Variants in SLIT1 observed in about 807,000 individuals in gnomAD.
SLIT1 encodes slit homolog 1 protein.
In SLIT1, 66 loss-of-function variants were observed where a neutral mutation model predicts 186.1. That is an observed-to-expected ratio of 0.35 (90% CI 0.29 to 0.44). The LOEUF is 0.44. Ranked by LOEUF, SLIT1 falls within the 20% of genes least tolerant of loss-of-function variation. The pLI, the probability that SLIT1 is intolerant of heterozygous loss-of-function variation, is 1.00. For missense variants in SLIT1, 1,638 were observed against 2,037.4 expected, an observed-to-expected ratio of 0.80 and a Z score of 3.77; for synonymous variants, 761 against 833.8, an observed-to-expected ratio of 0.91 and a Z score of 1.50.
rs1221422744 is a variant in SLIT1, at chr10:97,055,691, C to A, written c.1301+630G>T. Among the ~76,000 whole-genome samples the A allele has an allele frequency of 2.6e-5, 4 of 152,152 alleles. No individual in the cohort carries two copies. The East Asian group carries it at 7.7e-4, about 29-fold the overall frequency. On this transcript the variant is annotated intron_variant, in intron 13 of 36. Coordinates refer to ENST00000266058, the MANE Select transcript of SLIT1 (RefSeq NM_003061.3). ...GGCCCACAGTACTACTCTTAATCTGCTTATAATTTTCCACAATAAAATATT... is the reference window on the plus strand; with the variant it reads ...GGCCCACAGTACTACTCTTAATCTGATTATAATTTTCCACAATAAAATATT...
intron 25 of SLIT1, among the ~76,000 whole-genome samples, chr10:97,023,082 C>T (rs1848515425): frequency 1.3e-5 from 2 of 151,750 alleles, no homozygotes; most frequent in Admixed American, 6.6e-5. Context: ...GACAGGGTCT[C>T]ACTCTGTGGC....
intron 4 of SLIT1, chr10:97,153,368 C>T (rs373681238): frequency 3.3e-5 from 5 of 152,362 alleles, no homozygotes; most frequent in African/African-American, 1.2e-4. Context: ...GACTTGGTGA[C>T]CATGCCTTAC....
intron 35 of SLIT1, 151 bp from the exon 36 acceptor site, chr10:97,002,520 G>A: frequency 6.7e-6 from 5 of 747,134 alleles, no homozygotes; most frequent in Non-Finnish European, 1.1e-5. Context: ...GGAGTTGCAT[G>A]CGACTATGTG....
intron 25 of SLIT1, among the ~76,000 whole-genome samples, chr10:97,027,805 CT>C (rs1482379459): frequency 6.6e-6 from 1 of 152,074 alleles, no homozygotes; most frequent in Non-Finnish European, 1.5e-5. Context: ...AGATTTTGAG[CT>C]GGAGACAAGA....
Position 97,014,113 on chromosome 10 carries a change from G to T in SLIT1, c.3015C>A (p.Asn1005Lys). The T allele has an allele frequency of 6.2e-7, 1 of 1,614,072 alleles. No individual in the cohort carries two copies. The highest frequency in any genetic ancestry group is 8.5e-7 in the Non-Finnish European group (1 of 1,180,038). Reference protein sequence around the residue: ...TGFEGPTCGVNTDDCVDHACA... With the variant: ...TGFEGPTCGVKTDDCVDHACA... ...AGGCATGATCCACACAGTCATCTGT[G>T]TTCACCCCACAGGTTGGTCCTTCAA... The change falls in exon 29 of 37, where the codon AAC becomes AAA. Residue 1005 changes from asparagine (N) to lysine (K), a missense_variant. This residue lies in a region of SLIT1 where 1,245 missense variants were observed against 1,535.3 expected (regional missense o/e 0.81). Coordinates refer to ENST00000266058, the MANE Select transcript of SLIT1 (RefSeq NM_003061.3).
At chr10:97,029,896 G>T (rs1848576395) in intron 25 of SLIT1, among the ~76,000 whole-genome samples, 1 of 152,100 alleles carries the variant, frequency 6.6e-6, no homozygotes, top group South Asian at 2.1e-4. Context: ...TCGTCCTCTT[G>T]TGTCTGGCTT....
rs149512590 is a variant in SLIT1 at position 97,013,957 on chromosome 10, G to T, written c.3109+62C>A. The T allele has an allele frequency of 1.1e-5, 17 of 1,592,802 alleles. No homozygotes were observed. The African/African-American group carries it at 2.1e-4, about 20-fold the overall frequency. On this transcript the variant is annotated intron_variant, in intron 29 of 36. Coordinates refer to ENST00000266058, the MANE Select transcript of SLIT1 (RefSeq NM_003061.3). ...GGGATCCCCTTCCACTCCCGAGCATGGGGGCTCAGGGCTGTCTCTGTTCCC... is the reference window on the plus strand; with the variant it reads ...GGGATCCCCTTCCACTCCCGAGCATTGGGGCTCAGGGCTGTCTCTGTTCCC...
At chr10:97,092,586 C>A (rs2134664255) in intron 4 of SLIT1, among the ~76,000 whole-genome samples, 1 of 152,336 alleles carries the variant, frequency 6.6e-6, no homozygotes, top group South Asian at 2.1e-4. Flanking sequence ...TCTCACCCAG[C>A]ACAATGGGAC....
intron 7 of SLIT1, 75 bp from the exon 8 acceptor site, chr10:97,063,693 G>A: frequency 6.8e-7 from 1 of 1,460,732 alleles, no homozygotes; most frequent in South Asian, 1.4e-5. Flanking sequence ...CCCAATCTCA[G>A]GCAGGAGGCT....
chr10:97,180,271 C>G (rs1018295279), intron 1 of SLIT1, among the ~76,000 whole-genome samples: 1 of 152,238 alleles, frequency 6.6e-6, no homozygotes, highest in African/African-American at 2.4e-5. Flanking sequence ...CACTCGCTGT[C>G]TGCCAGGCCC....
chr10:97,157,710 G>A lies in SLIT1; in HGVS notation c.413+108C>T, dbSNP rs1244316600. On this transcript the variant is annotated intron_variant, in intron 4 of 36. Coordinates refer to ENST00000266058, the MANE Select transcript of SLIT1 (RefSeq NM_003061.3). The stretch of plus-strand genomic sequence containing the variant: ...CATTCCTGCCAGGGGAGGAGCACAG[G>A]GTCAGGGTCATGGGAATATCCAGGC... The A allele has an allele frequency of 1.1e-5, 9 of 826,322 alleles. No homozygotes were observed. In the Admixed American group the frequency reaches 1.7e-4, roughly 15 times the overall value. 51.2% of individuals were successfully genotyped at this position (826,322 alleles called of 1,614,324 possible).
intron 27 of SLIT1, 98 bp downstream of exon 27, chr10:97,018,885 A>G: frequency 1.4e-6 from 1 of 707,554 alleles, no homozygotes; most frequent in Non-Finnish European, 2.5e-6. Flanking sequence ...GGTTCACTCA[A>G]GCATCTGCTC....
intron 4 of SLIT1, among the ~76,000 whole-genome samples, chr10:97,085,382 T>C (rs1018642219): frequency 6.6e-6 from 1 of 151,662 alleles, no homozygotes; most frequent in Non-Finnish European, 1.5e-5. Flanking sequence ...CTTCTTAGCA[T>C]GTACTTTTTT....
intron 27 of SLIT1, 114 bp downstream of exon 27, chr10:97,018,869 A>C: frequency 1.5e-6 from 1 of 673,108 alleles, no homozygotes; most frequent in South Asian, 1.8e-5. Flanking sequence ...TAAGTCATTA[A>C]TTACAGGTTC....
At chr10:97,080,034 T>C (rs148667925) in intron 4 of SLIT1, among the ~76,000 whole-genome samples, 1 of 151,798 alleles carries the variant, frequency 6.6e-6, no homozygotes, top group Admixed American at 6.6e-5. Flanking sequence ...AAAACAGAAA[T>C]CAAAGAAGTA....
intron 31 of SLIT1, among the ~76,000 whole-genome samples, chr10:97,007,720 G>A (rs567938234): frequency 3.3e-5 from 5 of 151,622 alleles, no homozygotes; most frequent in African/African-American, 1.2e-4. Context: ...TGCAGAAAAA[G>A]CATTTGACAA....
At chr10:97,127,299 AG>A (rs1250613561) in intron 4 of SLIT1, among the ~76,000 whole-genome samples, 1 of 142,224 alleles carries the variant, frequency 7.0e-6, no homozygotes, top group Non-Finnish European at 1.6e-5. Context: ...AAAAAAAAAA[AG>A]GTTTTGAAGT....
intron 4 of SLIT1, among the ~76,000 whole-genome samples, chr10:97,075,922 G>T (rs185196800): frequency 1.3e-5 from 2 of 152,158 alleles, no homozygotes; most frequent in African/African-American, 4.8e-5. Flanking sequence ...AGGGTTGGAG[G>T]TGCCAACTCC....
chr10:97,071,861 T>C (rs997365548), intron 4 of SLIT1, among the ~76,000 whole-genome samples: 1 of 152,230 alleles, frequency 6.6e-6, no homozygotes, highest in Admixed American at 6.5e-5. Context: ...TAACACTAGA[T>C]CCTTATAATT....
Sources: allele counts gnomAD v4.1 joint callset (sites outside exome capture counted in the v4.1 genomes callset), GRCh38; gene constraint gnomAD v4.1.1; regional missense constraint gnomAD v4.1.1; transcripts MANE v1.5; gene names NCBI Gene and HGNC (gene_info 2026-07-23, HGNC 2026-07-21).